The following UBTD2 variants were observed in gnomAD, a reference collection of about 807,000 sequenced individuals.
UBTD2 encodes the protein ubiquitin domain-containing protein 2.
In UBTD2, 9 loss-of-function variants were observed where a neutral mutation model predicts 19.8. That is an observed-to-expected ratio of 0.46 (90% CI 0.27 to 0.79). The LOEUF (loss-of-function observed/expected upper bound fraction) is 0.79. Among genes scored for constraint, UBTD2 ranks in the 30% least tolerant of loss-of-function variants. The pLI is 0.14. For synonymous variants in UBTD2, 98 were observed against 103.9 expected, an observed-to-expected ratio of 0.94 and a Z score of 0.35; for missense variants, 250 against 300.4, an observed-to-expected ratio of 0.83 and a Z score of 1.24.
chr5:172,254,711 T>C (rs1005351419), intron 1 of UBTD2: 1 of 340,350 alleles, frequency 2.9e-6, no homozygotes, highest in African/African-American at 2.6e-5. Context: ...CAAAGGGTGA[T>C]TCTCTTGCAA....
chr5:172,243,749 G>A (rs944529289), intron 1 of UBTD2, among the ~76,000 whole-genome samples: 9 of 151,868 alleles, frequency 5.9e-5, no homozygotes, highest in Non-Finnish European at 1.2e-4. Context: ...TTTTAGTAGA[G>A]ACGGGGTTTC....
chr5:172,240,068 A>T (rs1172927739), intron 1 of UBTD2, among the ~76,000 whole-genome samples: 3 of 152,228 alleles, frequency 2.0e-5, no homozygotes, highest in East Asian at 3.8e-4. Flanking sequence ...TACAGAAATG[A>T]TCCATCCATG....
intron 2 of UBTD2, among the ~76,000 whole-genome samples, chr5:172,220,824 T>C (rs1385613208): frequency 6.6e-6 from 1 of 151,922 alleles, no homozygotes; most frequent in African/African-American, 2.4e-5. Context: ...AAGGAGAAAA[T>C]AAAACTGCCT....
intron 1 of UBTD2, among the ~76,000 whole-genome samples, chr5:172,264,875 C>CA (rs550969684): frequency 9.1e-4 from 135 of 149,048 alleles, no homozygotes; most frequent in Middle Eastern, 3.5e-3. Flanking sequence ...GACCCCATCT[C>CA]AAAAAAAAAC....
chr5:172,217,883 C>G (rs1771576302), intron 2 of UBTD2, among the ~76,000 whole-genome samples: 1 of 152,186 alleles, frequency 6.6e-6, no homozygotes, highest in South Asian at 2.1e-4. Flanking sequence ...GATGAATCCA[C>G]TATTATAGTT....
chr5:172,258,268 C>T (rs1755199799), intron 1 of UBTD2, among the ~76,000 whole-genome samples: 1 of 152,090 alleles, frequency 6.6e-6, no homozygotes, highest in Non-Finnish European at 1.5e-5. Flanking sequence ...CCTTTCCCCA[C>T]TGCTTACTTT....
chr5:172,232,893 G>A (rs889348929), intron 2 of UBTD2, among the ~76,000 whole-genome samples: 38 of 151,982 alleles, frequency 2.5e-4, no homozygotes, highest in African/African-American at 8.0e-4. Flanking sequence ...TTAAAAAAAG[G>A]GACTTTGGGA....
At chr5:172,232,340 C>A (rs1224399992) in intron 2 of UBTD2, among the ~76,000 whole-genome samples, 1 of 146,742 alleles carries the variant, frequency 6.8e-6, no homozygotes, top group Non-Finnish European at 1.5e-5. Flanking sequence ...AAAAGTCACA[C>A]TGAAAATGGC....
At chr5:172,223,949 G>A (rs1052042571) in intron 2 of UBTD2, among the ~76,000 whole-genome samples, 1 of 152,124 alleles carries the variant, frequency 6.6e-6, no homozygotes, top group South Asian at 2.1e-4. Context: ...GTGCCCAGTG[G>A]AGCCCAACAA....
intron 1 of UBTD2, among the ~76,000 whole-genome samples, chr5:172,276,858 T>A (rs901968867): frequency 1.7e-4 from 26 of 151,412 alleles, no homozygotes; most frequent in African/African-American, 6.3e-4. Context: ...TCACTTGAGG[T>A]CAGGATTTCG....
chr5:172,219,806 GAT>G (rs1466417260), intron 2 of UBTD2, among the ~76,000 whole-genome samples: 1 of 152,184 alleles, frequency 6.6e-6, no homozygotes, highest in Non-Finnish European at 1.5e-5. Flanking sequence ...CGTGACAAGC[GAT>G]TAGTTCAGTT....
At chr5:172,213,791 C>G (rs1281752488) in intron 2 of UBTD2, among the ~76,000 whole-genome samples, 2 of 150,338 alleles carry the variant, frequency 1.3e-5, no homozygotes, top group Admixed American at 6.6e-5. Context: ...TTTTTTTTTT[C>G]TTTTTCTTTT....
chr5:172,256,840 G>T (rs1347282468), intron 1 of UBTD2, among the ~76,000 whole-genome samples: 1 of 152,122 alleles, frequency 6.6e-6, no homozygotes, highest in Non-Finnish European at 1.5e-5. Context: ...AGAATCGCTT[G>T]AACCCCGCAG....
chr5:172,245,627 G>A (rs1265426053), intron 1 of UBTD2, among the ~76,000 whole-genome samples: 3 of 151,616 alleles, frequency 2.0e-5, no homozygotes, highest in African/African-American at 7.3e-5. Context: ...CAGGAGAATC[G>A]TCTGAACCCT....
intron 2 of UBTD2, among the ~76,000 whole-genome samples, chr5:172,216,323 C>T (rs1288956305): frequency 6.6e-6 from 1 of 151,438 alleles, no homozygotes; most frequent in Admixed American, 6.6e-5. Flanking sequence ...CAGAGAAGAA[C>T]AAGAGAAAGA....
At chr5:172,229,165 A>G (rs1200094837) in intron 2 of UBTD2, among the ~76,000 whole-genome samples, 1 of 152,148 alleles carries the variant, frequency 6.6e-6, no homozygotes, top group Non-Finnish European at 1.5e-5. Context: ...TGTTTGAGTA[A>G]CAGGGAGTAG....
chr5:172,283,539 G>A lies in UBTD2; in HGVS notation c.70+57C>T. 8.0e-7 allele frequency: 1 copy of A among 1,246,844 alleles called. No individual in the cohort carries two copies. Among genetic ancestry groups the A allele is most frequent in the South Asian group, 3.1e-5 (1 of 32,428 alleles). The allele number at this position is 1,246,844 out of a possible 1,614,324, so 77.2% of individuals were successfully genotyped here. A position where few individuals can be genotyped will look rare whatever the true frequency, so the allele number is the denominator to read the frequency against. ...GCGGCCCGCGGGGGTCGGGACAGGT[G>A]GCCGGGCCTGGCCGGGAACAATGGG... On this transcript the variant is annotated intron_variant, in intron 1 of 2. Coordinates refer to ENST00000393792, the MANE Select transcript of UBTD2 (RefSeq NM_152277.3). The surrounding 1 kb of genome is among the most constrained non-coding windows in gnomAD (Gnocchi z 4.3).
intron 1 of UBTD2, among the ~76,000 whole-genome samples, chr5:172,244,295 G>GTTTTTTTTTTT (rs1191361417): frequency 1.6e-5 from 2 of 126,068 alleles, no homozygotes; most frequent in African/African-American, 6.0e-5. Flanking sequence ...TTTCCTCCCA[G>GTTTTTTTTTTT]TTTTTTTTTT....
At chr5:172,245,408 G>A (rs765916593) in intron 1 of UBTD2, among the ~76,000 whole-genome samples, 1 of 152,128 alleles carries the variant, frequency 6.6e-6, no homozygotes, top group Non-Finnish European at 1.5e-5. Context: ...CCTCTAACCT[G>A]TGCATGCATG....
Sources: gnomAD v4.1 joint callset for allele counts (sites outside exome capture counted in the v4.1 genomes callset) on GRCh38, gnomAD v4.1.1 for gene constraint, Gnocchi (gnomAD v3.1) non-coding constraint, MANE v1.5 for transcripts, NCBI Gene and HGNC (gene_info 2026-07-23, HGNC 2026-07-21) for gene names.